The following MEGF10 variants were observed in gnomAD, a reference collection of about 807,000 sequenced individuals.
MEGF10 encodes the protein multiple EGF like domains 10.
MEGF10 carries 86 observed loss-of-function variants against 147.5 expected under a neutral mutation model. That is an observed-to-expected ratio of 0.58 (90% CI 0.49 to 0.70). The LOEUF (loss-of-function observed/expected upper bound fraction) is 0.70, where lower values mean the gene tolerates loss of function less well. Among genes scored for constraint, MEGF10 ranks in the 30% least tolerant of loss-of-function variants. The pLI, the probability that MEGF10 is intolerant of heterozygous loss-of-function variation, is 0.00. For missense variants in MEGF10, 1,329 were observed against 1,487.3 expected, an observed-to-expected ratio of 0.89 and a Z score of 1.75; for synonymous variants, 478 against 525.5, an observed-to-expected ratio of 0.91 and a Z score of 1.24.
intron 4 of MEGF10, among the ~76,000 whole-genome samples, chr5:127,369,096 A>G (rs1762755824): frequency 6.6e-6 from 1 of 152,228 alleles, no homozygotes; most frequent in South Asian, 2.1e-4. Flanking sequence ...ATAAAATTTT[A>G]GAATATCCGA....
At chr5:127,370,687 A>G (rs1762813602) in intron 5 of MEGF10, among the ~76,000 whole-genome samples, 1 of 152,216 alleles carries the variant, frequency 6.6e-6, no homozygotes, top group Non-Finnish European at 1.5e-5. Flanking sequence ...CACAAAGATT[A>G]TATCATGGAA....
intron 1 of MEGF10, among the ~76,000 whole-genome samples, chr5:127,299,790 G>A (rs1276515483): frequency 6.6e-6 from 1 of 151,456 alleles, no homozygotes; most frequent in Non-Finnish European, 1.5e-5. Context: ...CTTGAATGAG[G>A]CAGAACAGGG....
intron 16 of MEGF10, 35 bp downstream of exon 16, chr5:127,435,524 CT>C (rs1765526620): frequency 1.3e-6 from 2 of 1,578,586 alleles, no homozygotes; most frequent in Non-Finnish European, 1.7e-6. Flanking sequence ...ATAAACTGTT[CT>C]TATTTGTTTG....
chr5:127,428,386 C>T (rs1438689374), intron 13 of MEGF10, among the ~76,000 whole-genome samples: 1 of 152,116 alleles, frequency 6.6e-6, no homozygotes, highest in Non-Finnish European at 1.5e-5. Flanking sequence ...GTGAAGCCAA[C>T]TCCCATCCTG....
intron 22 of MEGF10, among the ~76,000 whole-genome samples, chr5:127,452,166 C>T (rs1043154070): frequency 1.3e-5 from 2 of 152,206 alleles, no homozygotes; most frequent in Non-Finnish European, 2.9e-5. Flanking sequence ...GCAATGAAGA[C>T]AGAATCTGGC....
At chr5:127,455,884 C>T (rs1397406196) in intron 24 of MEGF10, among the ~76,000 whole-genome samples, 1 of 152,058 alleles carries the variant, frequency 6.6e-6, no homozygotes, top group East Asian at 1.9e-4. Flanking sequence ...GGACCACAGG[C>T]ACGCACTACC....
chr5:127,295,567 C>G (rs972374106), intron 1 of MEGF10, among the ~76,000 whole-genome samples: 3 of 152,264 alleles, frequency 2.0e-5, no homozygotes, highest in South Asian at 4.1e-4. Flanking sequence ...GAATAATTCT[C>G]TGGGTAATGA....
At chr5:127,430,248 T>C (rs1263207056) in intron 13 of MEGF10, among the ~76,000 whole-genome samples, 1 of 152,158 alleles carries the variant, frequency 6.6e-6, no homozygotes, top group African/African-American at 2.4e-5. Context: ...GTTTGCTGAG[T>C]TGGGTTTCCT....
intron 7 of MEGF10, among the ~76,000 whole-genome samples, chr5:127,400,499 G>T (rs1561621762): frequency 6.6e-6 from 1 of 152,180 alleles, no homozygotes; most frequent in Non-Finnish European, 1.5e-5. Context: ...GGTTATTTCT[G>T]ACTCCTCCTG....
At position 127,460,543 on chromosome 5, in the gene MEGF10, T is replaced by C. The variant is rs78458032; in HGVS notation, c.*3225T>C. On this transcript the variant is annotated 3_prime_UTR_variant, in exon 25 of 25. Coordinates refer to ENST00000503335, the MANE Select transcript of MEGF10 (RefSeq NM_001256545.2). ...AATCCATCAGCATAATGACTGTGTGTTCTGAGAAATGCAAACAACTTTATG... is the reference window on the plus strand; with the variant it reads ...AATCCATCAGCATAATGACTGTGTGCTCTGAGAAATGCAAACAACTTTATG... The C allele has an allele frequency of 4.6e-5, 7 of 152,284 alleles. No homozygotes were observed. The East Asian group carries it at 9.6e-4, about 21-fold the overall frequency. 9.4% of individuals were successfully genotyped at this position (152,284 alleles called of 1,614,324 possible). A position where few individuals can be genotyped will look rare whatever the true frequency, so the allele number is the denominator to read the frequency against.
At chr5:127,436,404 G>C (rs371486921) in intron 16 of MEGF10, among the ~76,000 whole-genome samples, 1 of 152,118 alleles carries the variant, frequency 6.6e-6, no homozygotes, top group Non-Finnish European at 1.5e-5. Context: ...TAAGGGAAGA[G>C]AGCTAATAAA....
chr5:127,456,413 A>G (rs1391431633), intron 24 of MEGF10, among the ~76,000 whole-genome samples: 1 of 152,126 alleles, frequency 6.6e-6, no homozygotes, highest in Admixed American at 6.5e-5. Flanking sequence ...ATAGGGCTAT[A>G]TATTTTCATT....
At chr5:127,292,328 T>C (rs1759296115) in intron 1 of MEGF10, among the ~76,000 whole-genome samples, 1 of 152,200 alleles carries the variant, frequency 6.6e-6, no homozygotes, top group African/African-American at 2.4e-5. Flanking sequence ...ATAATAGCAC[T>C]TACATCAGAC....
At chr5:127,358,399 T>C (rs1762351655) in intron 4 of MEGF10, among the ~76,000 whole-genome samples, 2 of 152,182 alleles carry the variant, frequency 1.3e-5, no homozygotes, top group African/African-American at 4.8e-5. Context: ...GTGATTCAGA[T>C]GTATTGGATA....
At position 127,459,889 on chromosome 5, in the gene MEGF10, G is replaced by A. The variant is rs931873097; in HGVS notation, c.*2571G>A. On this transcript the variant is annotated 3_prime_UTR_variant, in exon 25 of 25. Transcript: ENST00000503335. The stretch of plus-strand genomic sequence containing the variant: ...GAAGGCAAAATTTTCTAAATATTTT[G>A]ATATCAATTTGGGTAAAGAAAGGAA... 1 of 152,184 alleles carries A rather than the reference G, an allele frequency of 6.6e-6. No individual in the cohort carries two copies. The highest frequency in any genetic ancestry group is 1.5e-5 in the Non-Finnish European group (1 of 68,026). The allele number at this position is 152,184 out of a possible 1,614,324, so 9.4% of individuals were successfully genotyped here.
chr5:127,452,946 GA>G (rs1766211857), intron 22 of MEGF10, among the ~76,000 whole-genome samples: 1 of 152,046 alleles, frequency 6.6e-6, no homozygotes. Flanking sequence ...CCTGAGAGAG[GA>G]AAATATTCCC....
At chr5:127,362,729 T>C (rs1762523001) in intron 4 of MEGF10, among the ~76,000 whole-genome samples, 2 of 152,302 alleles carry the variant, frequency 1.3e-5, no homozygotes, top group South Asian at 4.1e-4. Context: ...AGGTCTTACA[T>C]TTTTAATCCA....
Position 127,402,612 on chromosome 5 carries a change from T to A in MEGF10, c.847T>A (p.Cys283Ser). ...AAAGAACTGTTCCCAAGAATGCCAG[T>A]GCCATAATGGAGGGACGTGTGATGC... is the stretch of plus-strand genomic sequence containing the variant. ...FGKNCSQECQ[C>S]HNGGTCDAAT... The change falls in exon 8 of 25, where the codon TGC (cysteine) becomes AGC (serine). Residue 283 changes from cysteine (C) to serine (S), a missense_variant. By Grantham distance (112) the Cys-to-Ser change is moderately radical. Coordinates refer to ENST00000503335, the MANE Select transcript of MEGF10 (RefSeq NM_001256545.2). The A allele has an allele frequency of 6.2e-7, 1 of 1,614,130 alleles. No homozygotes were observed. Among genetic ancestry groups the A allele is most frequent in the Middle Eastern group, 1.7e-4 (1 of 6,060 alleles).
chr5:127,445,416 G>A (rs1201186050), intron 19 of MEGF10, 41 bp from the exon 20 acceptor site: 7 of 1,488,416 alleles, frequency 4.7e-6, no homozygotes, highest in Non-Finnish European at 9.4e-7. Context: ...CGTTTATCCA[G>A]CACATTGTCA....
Sources: gnomAD v4.1 joint callset for allele counts (sites outside exome capture counted in the v4.1 genomes callset) on GRCh38, gnomAD v4.1.1 for gene constraint, MANE v1.5 for transcripts, NCBI Gene and HGNC (gene_info 2026-07-23, HGNC 2026-07-21) for gene names.